The following NTM variants were observed in gnomAD, a reference collection of about 807,000 sequenced individuals.
NTM encodes neurotrimin.
A neutral mutation model predicts 42.1 loss-of-function variants in NTM; 13 were observed. The observed-to-expected ratio is 0.31, with a 90% CI of 0.20 to 0.49. The LOEUF (loss-of-function observed/expected upper bound fraction) is 0.49. NTM is among the 20% of genes least tolerant of loss of function. The pLI is 0.99. For missense variants in NTM, 373 were observed against 452.8 expected (o/e 0.82, Z 1.60); for synonymous variants, 187 against 179.2 (o/e 1.04, Z -0.35).
chr11:131,466,012 C>A (rs1951846903), intron 1 of NTM, among the ~76,000 whole-genome samples: 1 of 152,198 alleles, frequency 6.6e-6, no homozygotes, highest in Non-Finnish European at 1.5e-5. Flanking sequence ...GAGTGTCAGG[C>A]AAAGCAGGAT....
chr11:131,674,143 C>G (rs1307479733), intron 1 of NTM, among the ~76,000 whole-genome samples: 1 of 152,254 alleles, frequency 6.6e-6, no homozygotes, highest in Non-Finnish European at 1.5e-5. Flanking sequence ...TGCGGGCGCC[C>G]TCGCGTGGCC....
chr11:131,936,625 C>T (rs2059245803), intron 2 of NTM, among the ~76,000 whole-genome samples: 1 of 152,164 alleles, frequency 6.6e-6, no homozygotes, highest in Non-Finnish European at 1.5e-5. Flanking sequence ...CAACTTGTAC[C>T]TCCAAAGCTA....
At chr11:131,948,157 C>T (rs536005207) in intron 2 of NTM, among the ~76,000 whole-genome samples, 4 of 151,648 alleles carry the variant, frequency 2.6e-5, no homozygotes, top group Admixed American at 6.6e-5. Context: ...GTCAGGAGAT[C>T]GATACTATCC....
intron 1 of NTM, among the ~76,000 whole-genome samples, chr11:131,775,567 G>A (rs1367719766): frequency 6.6e-6 from 1 of 152,090 alleles, no homozygotes; most frequent in Non-Finnish European, 1.5e-5. Flanking sequence ...TCCCTCTGTT[G>A]ACACCATTTA....
chr11:131,776,420 A>G (rs2086984233), intron 1 of NTM, among the ~76,000 whole-genome samples: 1 of 152,182 alleles, frequency 6.6e-6, no homozygotes, highest in Non-Finnish European at 1.5e-5. Context: ...TACTTCCCTG[A>G]GAAGCACGGG....
chr11:131,693,751 C>T (rs1443427896), intron 1 of NTM, among the ~76,000 whole-genome samples: 1 of 152,174 alleles, frequency 6.6e-6, no homozygotes, highest in Admixed American at 6.5e-5. Flanking sequence ...GACAAAGCCT[C>T]GGGTATCTTT....
chr11:131,987,979 A>C (rs952663882), intron 2 of NTM, among the ~76,000 whole-genome samples: 8 of 152,250 alleles, frequency 5.3e-5, no homozygotes, highest in Admixed American at 5.2e-4. Context: ...GTAACAAAAT[A>C]CCAGGCTGGG....
At chr11:131,396,289 T>C (rs1156313679) in intron 1 of NTM, among the ~76,000 whole-genome samples, 1 of 152,180 alleles carries the variant, frequency 6.6e-6, no homozygotes, top group Non-Finnish European at 1.5e-5. Flanking sequence ...AAATATTAAC[T>C]GGCATTGAAA....
At chr11:131,879,323 GT>G (rs1565668406) in intron 1 of NTM, among the ~76,000 whole-genome samples, 2 of 152,084 alleles carry the variant, frequency 1.3e-5, no homozygotes, top group African/African-American at 4.8e-5. Flanking sequence ...GCGTCCACCC[GT>G]CCCGCAGTGA....
intron 4 of NTM, among the ~76,000 whole-genome samples, chr11:132,224,223 G>A (rs939786118): frequency 6.6e-6 from 1 of 152,126 alleles, no homozygotes; most frequent in African/African-American, 2.4e-5. Context: ...GAAAGCTACC[G>A]AGGAGGCACT....
chr11:131,842,412 G>A (rs576861132), intron 1 of NTM, among the ~76,000 whole-genome samples: 8 of 152,162 alleles, frequency 5.3e-5, no homozygotes, highest in Non-Finnish European at 1.0e-4. Context: ...TTTCAGCACA[G>A]TTTTGCAAGT....
At chr11:131,949,390 G>T (rs12274707) in intron 2 of NTM, among the ~76,000 whole-genome samples, 1 of 152,036 alleles carries the variant, frequency 6.6e-6, no homozygotes, top group Non-Finnish European at 1.5e-5. Flanking sequence ...AGCTCATAAA[G>T]GTGGAAGCTT....
At chr11:131,436,539 C>T (rs769625018) in intron 1 of NTM, among the ~76,000 whole-genome samples, 3 of 152,060 alleles carry the variant, frequency 2.0e-5, no homozygotes, top group African/African-American at 4.8e-5. Flanking sequence ...GAAATTTATC[C>T]GTTTCTTCTA....
chr11:132,147,046 C>A (rs1417209078), intron 3 of NTM: 2 of 156,676 alleles, frequency 1.3e-5, no homozygotes, highest in East Asian at 3.8e-4. Flanking sequence ...TCTCCTCTCC[C>A]AGCCAGGGGT....
In NTM at chr11:132,052,615, A is replaced by G. The variant is rs111362727; in HGVS notation, c.168-93667A>G. 6.1e-3 allele frequency among the ~76,000 whole-genome samples: 922 copies of G among 152,314 alleles called. 8 individuals carry two copies. Among genetic ancestry groups the G allele is most frequent in the African/African-American group, 0.021 (880 of 41,578 alleles). ...AAATCTAACAGACAGGAATTAAGGCACCAAATGGGAAAGTCAATTGCTTAT... is the reference window on the plus strand; with the variant it reads ...AAATCTAACAGACAGGAATTAAGGCGCCAAATGGGAAAGTCAATTGCTTAT... On this transcript the variant is annotated intron_variant, in intron 2 of 8. Coordinates refer to ENST00000683400, the MANE Select transcript of NTM (RefSeq NM_001352005.2).
At chr11:131,892,050 G>A (rs1465002679) in intron 1 of NTM, among the ~76,000 whole-genome samples, 1 of 152,134 alleles carries the variant, frequency 6.6e-6, no homozygotes, top group Non-Finnish European at 1.5e-5. Flanking sequence ...GGAGTTAGAC[G>A]ACTAAATTTG....
At chr11:132,237,898 T>G (rs1342033236) in intron 4 of NTM, among the ~76,000 whole-genome samples, 16 of 152,166 alleles carry the variant, frequency 1.1e-4, no homozygotes. Context: ...TCCCCTTGTT[T>G]ACTGTTGAAA....
chr11:131,883,406 A>G (rs978850070), intron 1 of NTM, among the ~76,000 whole-genome samples: 2 of 152,174 alleles, frequency 1.3e-5, no homozygotes, highest in African/African-American at 4.8e-5. Flanking sequence ...CTCTCAAGGC[A>G]TCCAGAGCCA....
rs1324885280 is a variant in NTM at position 131,701,098 on chromosome 11, G to A, written c.83-210466G>A. ...ATTTCTTTGTCTTTCTCAGTTTCCAGTTGGTGGACAGTATAATATACTAAA... is the reference window on the plus strand; with the variant it reads ...ATTTCTTTGTCTTTCTCAGTTTCCAATTGGTGGACAGTATAATATACTAAA... On this transcript the variant is annotated intron_variant, in intron 1 of 8. Coordinates refer to ENST00000683400, the MANE Select transcript of NTM (RefSeq NM_001352005.2). Among the ~76,000 whole-genome samples, 3 of 152,202 alleles carry A rather than the reference G, an allele frequency of 2.0e-5. No individual in the cohort carries two copies. The East Asian group carries it at 5.8e-4, about 29-fold the overall frequency.
Sources: gnomAD v4.1 joint callset for allele counts (sites outside exome capture counted in the v4.1 genomes callset) on GRCh38, gnomAD v4.1.1 for gene constraint, MANE v1.5 for transcripts, NCBI Gene and HGNC (gene_info 2026-07-23, HGNC 2026-07-21) for gene names.